EGF: variants seen among roughly 807,000 people sequenced by gnomAD.
EGF encodes epidermal growth factor, also known as pro-epidermal growth factor.
In EGF, 95 loss-of-function variants were observed where a neutral mutation model predicts 143.8. That is an observed-to-expected ratio of 0.66 (90% CI 0.56 to 0.78). The LOEUF (loss-of-function observed/expected upper bound fraction) is 0.78. Ranked by LOEUF, EGF falls within the 30% of genes least tolerant of loss-of-function variation. The probability of loss-of-function intolerance (pLI) is 0.00; values close to 1 mark genes in which losing one functional copy is unlikely to be tolerated. For synonymous variants in EGF, 510 were observed against 510.5 expected (o/e 1.00, Z 0.01); for missense variants, 1,320 against 1,470.9 (o/e 0.90, Z 1.68).
intron 4 of EGF, among the ~76,000 whole-genome samples, chr4:109,944,487 G>A (rs776386255): frequency 3.9e-5 from 6 of 152,226 alleles, no homozygotes; most frequent in Non-Finnish European, 7.3e-5. Flanking sequence ...TGTTAGATGA[G>A]TGACTTTGAG....
intron 1 of EGF, among the ~76,000 whole-genome samples, chr4:109,917,586 G>A (rs1736908240): frequency 6.6e-6 from 1 of 151,854 alleles, no homozygotes; most frequent in East Asian, 1.9e-4. Context: ...TGAGGTTTGG[G>A]CTTCTATTGA....
In EGF at chr4:110,012,877, T is replaced by C. The variant is rs1560784959; in HGVS notation, c.*1422T>C. On this transcript the variant is annotated 3_prime_UTR_variant, in exon 24 of 24. Transcript: ENST00000265171. ...GGCTTTGAATCATTCAGTTTATGCA[T>C]TAACTAGTCCCTTTGTTTATCTTTC... Among the ~76,000 whole-genome samples the C allele has an allele frequency of 6.6e-6, 1 of 152,212 alleles. No individual in the cohort carries two copies. Among genetic ancestry groups the C allele is most frequent in the South Asian group, 2.1e-4 (1 of 4,826 alleles).
At chr4:109,923,841 G>T (rs1451276795) in intron 1 of EGF, among the ~76,000 whole-genome samples, 3 of 151,336 alleles carry the variant, frequency 2.0e-5, no homozygotes, top group Non-Finnish European at 2.9e-5. Flanking sequence ...GGCTGGTCTT[G>T]AACTCCTGGG....
At chr4:109,987,619 G>T in intron 16 of EGF, 125 bp from the exon 17 acceptor site, 1 of 806,162 alleles carries the variant, frequency 1.2e-6, no homozygotes, top group Non-Finnish European at 2.2e-6. Flanking sequence ...GTTTCTATTT[G>T]GAGGTTAACC....
rs1048826977 is a variant in EGF at position 110,005,299 on chromosome 4, G to A, written c.3291+677G>A. Reference sequence around the variant, plus strand: ...GGGCTCAAGCAATCCACCTGCCCGGGCCTCTCAAAGTGCTGGAATTGCAGG... The same window carrying A: ...GGGCTCAAGCAATCCACCTGCCCGGACCTCTCAAAGTGCTGGAATTGCAGG... On this transcript the variant is annotated intron_variant, in intron 22 of 23. Transcript: ENST00000265171. 2.0e-5 allele frequency among the ~76,000 whole-genome samples: 3 copies of A among 151,552 alleles called. No individual in the cohort carries two copies. The South Asian group carries it at 6.3e-4, about 32-fold the overall frequency.
At chr4:109,979,886 T>C in intron 13 of EGF, 86 bp from the exon 14 acceptor site, 3 of 1,494,364 alleles carry the variant, frequency 2.0e-6, no homozygotes, top group Non-Finnish European at 2.8e-6. Flanking sequence ...TGTAGGAATG[T>C]TGTGTAAATT....
chr4:109,950,577 C>T (rs187898063), intron 5 of EGF, among the ~76,000 whole-genome samples: 5 of 152,286 alleles, frequency 3.3e-5, no homozygotes, highest in Admixed American at 3.3e-4. Context: ...GAAGTCTCTT[C>T]CTTGGGCTCA....
At chr4:109,927,122 G>C (rs1738819768) in intron 1 of EGF, among the ~76,000 whole-genome samples, 3 of 152,076 alleles carry the variant, frequency 2.0e-5, no homozygotes, top group African/African-American at 7.2e-5. Flanking sequence ...GAAATTTGCT[G>C]GTCTAATTCA....
Position 110,011,831 on chromosome 4 carries a change from C to T in EGF, c.*376C>T. On this transcript the variant is annotated 3_prime_UTR_variant, in exon 24 of 24. Coordinates refer to ENST00000265171, the MANE Select transcript of EGF (RefSeq NM_001963.6). ...ACAGTCACACTGGTTTGGTCAGTTA[C>T]AAAGTAATTTCTTTGATCTGGACAG... 3.2e-6 allele frequency: 1 copy of T among 316,486 alleles called. No homozygotes were observed. Among genetic ancestry groups the T allele is most frequent in the Non-Finnish European group, 6.1e-6 (1 of 164,962 alleles). The allele number at this position is 316,486 out of a possible 1,614,324, so 19.6% of individuals were successfully genotyped here. A position where few individuals can be genotyped will look rare whatever the true frequency, so the allele number is the denominator to read the frequency against.
At chr4:109,955,903 G>A (rs1001437764) in intron 5 of EGF, among the ~76,000 whole-genome samples, 1 of 152,118 alleles carries the variant, frequency 6.6e-6, no homozygotes, top group African/African-American at 2.4e-5. Context: ...GGTGACAATG[G>A]GGATGATCAT....
intron 19 of EGF, 22 bp from the exon 20 acceptor site, chr4:109,994,710 AG>A: frequency 6.2e-7 from 1 of 1,613,268 alleles, no homozygotes; most frequent in Non-Finnish European, 8.5e-7. Context: ...AGAAAGTAAA[AG>A]TAATGTCTTG....
chr4:109,993,557 G>A (rs56758410), intron 19 of EGF, among the ~76,000 whole-genome samples, 188 bp downstream of exon 19: 1 of 152,110 alleles, frequency 6.6e-6, no homozygotes, highest in Non-Finnish European at 1.5e-5. Context: ...TAATTTAATA[G>A]CATCTGGAAT....
chr4:109,921,828 C>A (rs759519242), intron 1 of EGF, among the ~76,000 whole-genome samples: 16 of 151,526 alleles, frequency 1.1e-4, no homozygotes, highest in Admixed American at 4.6e-4. Flanking sequence ...ATTTTAAAAG[C>A]TTGAAGGAGG....
chr4:109,964,689 A>C (rs1417546155), intron 10 of EGF, 152 bp downstream of exon 10: 6 of 1,196,454 alleles, frequency 5.0e-6, no homozygotes, highest in South Asian at 1.5e-5. Flanking sequence ...TTGGAGTAAC[A>C]CTTGAGAAAT....
At chr4:109,979,413 C>A (rs1419224166) in intron 13 of EGF, among the ~76,000 whole-genome samples, 1 of 150,778 alleles carries the variant, frequency 6.6e-6, no homozygotes, top group African/African-American at 2.4e-5. Context: ...GGGCACAGGT[C>A]AATATTAAAT....
chr4:109,940,891 T>A, intron 1 of EGF, 55 bp from the exon 2 acceptor site: 1 of 1,544,094 alleles, frequency 6.5e-7, no homozygotes. Context: ...AGTATTTTGT[T>A]TAAATGAGAT....
At chr4:110,001,690 T>C (rs1752591213) in intron 21 of EGF, 1 of 985,324 alleles carries the variant, frequency 1.0e-6, no homozygotes, top group Non-Finnish European at 1.2e-6. Context: ...TTTTTAAACT[T>C]GGAATTCAAA....
Position 109,974,773 on chromosome 4 carries a change from C to G in EGF, c.1795C>G (p.Gln599Glu). The G allele has an allele frequency of 6.2e-7, 1 of 1,613,538 alleles. No individual in the cohort carries two copies. Residue 599 changes from glutamine to glutamate, a missense_variant, in exon 12 of 24, where the codon CAA becomes GAA. This residue lies in a region of EGF where 1,186 missense variants were observed against 1,313.7 expected (regional missense o/e 0.90). Coordinates refer to ENST00000265171, the MANE Select transcript of EGF (RefSeq NM_001963.6). ...AATAATCACTAAGGAGAACATCTCT[C>G]AACCACGAGGAATTGCTGTTCATCC... Reference protein sequence around the residue: ...SKIITKENISQPRGIAVHPMA... With the variant: ...SKIITKENISEPRGIAVHPMA...
At chr4:110,009,597 C>T (rs1427182657) in intron 23 of EGF, among the ~76,000 whole-genome samples, 2 of 152,082 alleles carry the variant, frequency 1.3e-5, no homozygotes, top group African/African-American at 2.4e-5. Context: ...CACTGTACTG[C>T]AAACAATTTG....
Sources: gnomAD v4.1 joint callset for allele counts (sites outside exome capture counted in the v4.1 genomes callset) on GRCh38, gnomAD v4.1.1 for gene constraint, gnomAD v4.1.1 regional missense constraint, MANE v1.5 for transcripts, NCBI Gene and HGNC (gene_info 2026-07-23, HGNC 2026-07-21) for gene names.